HDAC9: variants seen among roughly 807,000 people sequenced by gnomAD.
HDAC9 encodes histone deacetylase 9, also known as MEF-2 interacting transcription repressor (MITR) protein.
A neutral mutation model predicts 139.4 loss-of-function variants in HDAC9; 41 were observed. The observed-to-expected ratio is 0.29, with a 90% CI of 0.23 to 0.38. HDAC9 has a LOEUF of 0.38. HDAC9 is among the 10% of genes least tolerant of loss of function. The probability of loss-of-function intolerance (pLI) is 1.00; values close to 1 mark genes in which losing one functional copy is unlikely to be tolerated. For synonymous variants in HDAC9, 517 were observed against 476.2 expected (o/e 1.09, Z -1.12); for missense variants, 1,147 against 1,297.0 (o/e 0.88, Z 1.78).
At chr7:18,381,198 C>CAAAAAA (rs60825586) in intron 1 of HDAC9, among the ~76,000 whole-genome samples, 4 of 73,336 alleles carry the variant, frequency 5.5e-5, no homozygotes, top group Non-Finnish European at 9.4e-5. Context: ...GACTCTGTCT[C>CAAAAAA]AAAAAAAAAA....
chr7:18,110,808 G>A (rs2731564), intron 1 of HDAC9, among the ~76,000 whole-genome samples: 120,997 of 152,054 alleles, frequency 0.8, 49,016 homozygotes, highest in Non-Finnish European at 0.87. Flanking sequence ...AGTCTAAACT[G>A]AGGTAGTAAT....
chr7:18,629,267 T>TA, intron 6 of HDAC9, 83 bp from the exon 7 acceptor site: 1 of 231,220 alleles, frequency 4.3e-6, no homozygotes, highest in Non-Finnish European at 6.9e-6. Context: ...AGGGTGAGAC[T>TA]TTTTTTTTTT....
upstream of HDAC9, among the ~76,000 whole-genome samples, chr7:18,493,104 A>C (rs1424526321): frequency 6.6e-6 from 1 of 151,972 alleles, no homozygotes; most frequent in Admixed American, 6.6e-5. Context: ...AAGAACTAGG[A>C]TAATTACTAA....
At chr7:18,103,534 T>C (rs1292893550) in intron 1 of HDAC9, among the ~76,000 whole-genome samples, 1 of 152,166 alleles carries the variant, frequency 6.6e-6, no homozygotes, top group African/African-American at 2.4e-5. Context: ...TGTTCATAGA[T>C]GATGACTTCT....
At chr7:18,272,295 C>T (rs1796402115) in intron 2 of HDAC9, among the ~76,000 whole-genome samples, 1 of 152,078 alleles carries the variant, frequency 6.6e-6, no homozygotes, top group African/African-American at 2.4e-5. Context: ...GTATTTAGAC[C>T]TTGTAAGTAT....
intron 11 of HDAC9, among the ~76,000 whole-genome samples, chr7:18,660,601 T>G (rs1792811943): frequency 6.6e-6 from 1 of 152,138 alleles, no homozygotes; most frequent in Non-Finnish European, 1.5e-5. Context: ...GATAACTATA[T>G]TGTAAACAAA....
intron 2 of HDAC9, among the ~76,000 whole-genome samples, chr7:18,233,158 C>T (rs961253952): frequency 2.0e-5 from 3 of 152,004 alleles, no homozygotes; most frequent in Non-Finnish European, 2.9e-5. Context: ...TAATTGCTGC[C>T]CATATACATC....
intron 2 of HDAC9, among the ~76,000 whole-genome samples, chr7:18,500,331 G>A (rs1034432423): frequency 2.0e-5 from 3 of 152,112 alleles, no homozygotes; most frequent in African/African-American, 7.2e-5. Flanking sequence ...ATAATGAAGT[G>A]AGCCCAAAAT....
chr7:18,576,609 C>T (rs1043245973), intron 2 of HDAC9, among the ~76,000 whole-genome samples: 1 of 150,370 alleles, frequency 6.7e-6, no homozygotes, highest in Admixed American at 6.6e-5. Flanking sequence ...TTGCAGTGAG[C>T]CGAGATCGCG....
At chr7:18,950,810 G>A (rs976823035) in intron 23 of HDAC9, among the ~76,000 whole-genome samples, 2 of 151,818 alleles carry the variant, frequency 1.3e-5, no homozygotes, top group Non-Finnish European at 2.9e-5. Flanking sequence ...AGAATTCAGA[G>A]GAAACAGAAT....
At chr7:18,501,758 A>G (rs1372376464) in intron 2 of HDAC9, among the ~76,000 whole-genome samples, 4 of 152,058 alleles carry the variant, frequency 2.6e-5, no homozygotes, top group African/African-American at 9.7e-5. Context: ...ACAGTGTATG[A>G]TTTTTTATAA....
intron 2 of HDAC9, among the ~76,000 whole-genome samples, chr7:18,165,599 C>A (rs1446873726): frequency 6.6e-6 from 1 of 151,910 alleles, no homozygotes; most frequent in East Asian, 1.9e-4. Flanking sequence ...CTAGCCTGGG[C>A]AATATGGTGA....
At chr7:18,607,636 G>A (rs191416235) in intron 6 of HDAC9, among the ~76,000 whole-genome samples, 29 of 152,234 alleles carry the variant, frequency 1.9e-4, no homozygotes, top group Non-Finnish European at 5.9e-5. Context: ...ATGGCAAAAG[G>A]AGACTTAAGT....
At chr7:18,728,248 G>A (rs1298524365) in intron 13 of HDAC9, among the ~76,000 whole-genome samples, 3 of 152,086 alleles carry the variant, frequency 2.0e-5, no homozygotes, top group Non-Finnish European at 2.9e-5. Context: ...TTGATTCTAT[G>A]TATGTTACTT....
intron 12 of HDAC9, among the ~76,000 whole-genome samples, chr7:18,724,650 C>T (rs370705284): frequency 2.0e-5 from 3 of 152,104 alleles, no homozygotes; most frequent in East Asian, 1.9e-4. Context: ...AAGGCTCATA[C>T]GTCAGTAGGT....
At chr7:18,092,073 A>G (rs1022189778) in intron 1 of HDAC9, among the ~76,000 whole-genome samples, 10 of 152,232 alleles carry the variant, frequency 6.6e-5, no homozygotes, top group African/African-American at 2.4e-4. Flanking sequence ...TATGTCCACC[A>G]CATTGACTAG....
intron 1 of HDAC9, among the ~76,000 whole-genome samples, chr7:18,446,388 G>A (rs59408664): frequency 0.035 from 5,280 of 152,314 alleles, 110 homozygotes; most frequent in African/African-American, 0.065. Context: ...GGGTTTAAAA[G>A]AAGAAAGTGT....
intron 19 of HDAC9, among the ~76,000 whole-genome samples, chr7:18,831,439 A>C (rs1029988387): frequency 6.6e-6 from 1 of 152,208 alleles, no homozygotes; most frequent in African/African-American, 2.4e-5. Context: ...AGCTCCAAGG[A>C]GTTTCCTGTA....
upstream of HDAC9, among the ~76,000 whole-genome samples, chr7:18,286,243 GA>G (rs1224671807): frequency 1.3e-5 from 2 of 151,244 alleles, no homozygotes; most frequent in Non-Finnish European, 3.0e-5. Flanking sequence ...TGCTTCCTAA[GA>G]AAAAAAGAAA....
Sources: allele counts gnomAD v4.1 joint callset (sites outside exome capture counted in the v4.1 genomes callset), GRCh38; gene constraint gnomAD v4.1.1; transcripts MANE v1.5; gene names NCBI Gene and HGNC (gene_info 2026-07-23, HGNC 2026-07-21).